Variants in FHIT observed in about 807,000 individuals in gnomAD.
FHIT encodes the protein bis(5'-adenosyl)-triphosphatase.
A neutral mutation model predicts 17.9 loss-of-function variants in FHIT; 19 were observed. The ratio of observed to expected loss-of-function variants is 1.06; its 90% CI spans 0.74 to 1.56. FHIT has a LOEUF of 1.56. FHIT is among the 40% of genes most tolerant of loss of function. The probability of loss-of-function intolerance (pLI) is 0.00; values close to 1 mark genes in which losing one functional copy is unlikely to be tolerated. For synonymous variants in FHIT, 81 were observed against 69.7 expected (o/e 1.16, Z -0.81); for missense variants, 248 against 189.2 (o/e 1.31, Z -1.82).
chr3:60,193,635 G>T (rs192481870), intron 5 of FHIT, among the ~76,000 whole-genome samples: 1 of 152,242 alleles, frequency 6.6e-6, no homozygotes, highest in East Asian at 1.9e-4. Flanking sequence ...TAAGATCCAA[G>T]TCTTGAGGCA....
intron 4 of FHIT, among the ~76,000 whole-genome samples, chr3:60,810,104 T>C (rs1371172766): frequency 2.6e-5 from 4 of 152,200 alleles, no homozygotes; most frequent in Non-Finnish European, 1.5e-5. Context: ...TCTGGAGCTC[T>C]TGATTCCCAG....
chr3:59,998,561 C>T (rs141514896), intron 7 of FHIT, among the ~76,000 whole-genome samples: 10 of 152,140 alleles, frequency 6.6e-5, no homozygotes, highest in Non-Finnish European at 7.4e-5. Context: ...ATGAATGCTT[C>T]GGGTAATTTC....
chr3:60,423,870 T>C (rs985446756), intron 5 of FHIT, among the ~76,000 whole-genome samples: 1 of 152,166 alleles, frequency 6.6e-6, no homozygotes. Context: ...GTAGTTTTCC[T>C]AATACCATAA....
intron 5 of FHIT, among the ~76,000 whole-genome samples, chr3:60,365,407 C>T (rs1330130774): frequency 6.6e-6 from 1 of 151,972 alleles, no homozygotes; most frequent in East Asian, 1.9e-4. Context: ...TATATACTCA[C>T]TGAGTTTTAA....
At chr3:61,184,849 G>A (rs1357626365) in intron 2 of FHIT, among the ~76,000 whole-genome samples, 1 of 152,168 alleles carries the variant, frequency 6.6e-6, no homozygotes, top group African/African-American at 2.4e-5. Flanking sequence ...TTAAACAAGG[G>A]ATCTCACATT....
intron 2 of FHIT, among the ~76,000 whole-genome samples, chr3:61,182,057 C>G (rs2107173128): frequency 6.6e-6 from 1 of 152,224 alleles, no homozygotes; most frequent in East Asian, 1.9e-4. Flanking sequence ...ATCGGATACT[C>G]TGAAGGGGAA....
chr3:60,895,099 C>T (rs952500774), intron 3 of FHIT, among the ~76,000 whole-genome samples: 1 of 152,164 alleles, frequency 6.6e-6, no homozygotes, highest in Non-Finnish European at 1.5e-5. Context: ...GTCTCTTTAG[C>T]CTCCTTGAAG....
At chr3:60,584,416 TGCGGTG>T (rs1175255630) in intron 4 of FHIT, among the ~76,000 whole-genome samples, 1 of 151,874 alleles carries the variant, frequency 6.6e-6, no homozygotes, top group African/African-American at 2.4e-5. Context: ...CCTTGTGAGC[TGCGGTG>T]GCGGTGGCAG....
chr3:60,854,859 G>A (rs1343588504), intron 3 of FHIT, among the ~76,000 whole-genome samples: 1 of 152,120 alleles, frequency 6.6e-6, no homozygotes, highest in Admixed American at 6.6e-5. Flanking sequence ...TCAGATTTCT[G>A]TTAGGAAAGA....
At chr3:61,239,782 T>TATATATATATATATATATATATATACAC (rs895030251) in intron 1 of FHIT, among the ~76,000 whole-genome samples, 1 of 144,030 alleles carries the variant, frequency 6.9e-6, no homozygotes, top group Admixed American at 6.9e-5. Flanking sequence ...TATATATATA[T>TATATATATATATATATATATATATACAC]ATACACAAAT....
intron 1 of FHIT, among the ~76,000 whole-genome samples, chr3:61,221,545 G>T (rs1055311970): frequency 1.3e-5 from 2 of 150,812 alleles, no homozygotes; most frequent in South Asian, 4.2e-4. Context: ...TCTGTTCCTG[G>T]AGCATCTACA....
chr3:60,283,305 C>A (rs748941763), intron 5 of FHIT, among the ~76,000 whole-genome samples: 14 of 151,970 alleles, frequency 9.2e-5, no homozygotes, highest in Non-Finnish European at 1.5e-4. Context: ...CTCAAGTCAT[C>A]CAGTTCCAAT....
At chr3:60,952,774 G>T (rs1332862686) in intron 3 of FHIT, among the ~76,000 whole-genome samples, 4 of 152,174 alleles carry the variant, frequency 2.6e-5, no homozygotes, top group Admixed American at 6.5e-5. Context: ...ACTAGGAAAA[G>T]TCTGTACAAA....
chr3:60,322,834 C>T (rs1018221259), intron 5 of FHIT, among the ~76,000 whole-genome samples: 2 of 151,970 alleles, frequency 1.3e-5, no homozygotes, highest in East Asian at 1.9e-4. Context: ...GAAACTGCGA[C>T]GACTATAAAA....
At chr3:60,673,319 T>C (rs917123875) in intron 4 of FHIT, among the ~76,000 whole-genome samples, 14 of 152,148 alleles carry the variant, frequency 9.2e-5, no homozygotes, top group Admixed American at 6.5e-5. Context: ...AAAACTTAGG[T>C]TTTGTTTATG....
At chr3:60,058,092 G>C (rs1217672750) in intron 5 of FHIT, among the ~76,000 whole-genome samples, 1 of 151,218 alleles carries the variant, frequency 6.6e-6, no homozygotes, top group Non-Finnish European at 1.5e-5. Flanking sequence ...AAGTAGTCCG[G>C]GGAATAGGGA....
intron 3 of FHIT, among the ~76,000 whole-genome samples, chr3:61,010,539 C>T (rs2031731184): frequency 6.6e-6 from 1 of 152,156 alleles, no homozygotes; most frequent in Non-Finnish European, 1.5e-5. Flanking sequence ...GGTTTATCTG[C>T]TGCTTGGTAA....
intron 5 of FHIT, among the ~76,000 whole-genome samples, chr3:60,174,170 G>A (rs1051547578): frequency 7.3e-4 from 111 of 151,180 alleles, no homozygotes; most frequent in African/African-American, 2.6e-3. Flanking sequence ...TCAGCCTCCC[G>A]AAGTGCTGGG....
intron 5 of FHIT, among the ~76,000 whole-genome samples, chr3:60,415,391 T>C (rs369622320): frequency 3.9e-5 from 6 of 152,184 alleles, no homozygotes; most frequent in East Asian, 3.9e-4. Flanking sequence ...CAATAATACA[T>C]TTATTTCAAT....
Sources: allele counts gnomAD v4.1 joint callset (sites outside exome capture counted in the v4.1 genomes callset), GRCh38; gene constraint gnomAD v4.1.1; transcripts MANE v1.5; gene names NCBI Gene and HGNC (gene_info 2026-07-23, HGNC 2026-07-21).